Variants in NOX4 observed in about 807,000 individuals in gnomAD.
NOX4 encodes kidney oxidase-1.
Under a neutral mutation model 87.6 loss-of-function variants are expected in NOX4, and 69 were observed. The observed-to-expected ratio is 0.79, with a 90% CI of 0.65 to 0.96. The LOEUF (loss-of-function observed/expected upper bound fraction) is 0.96. Ranked by LOEUF, NOX4 falls within the 40% of genes least tolerant of loss-of-function variation. NOX4 has a pLI of 0.00. For missense variants in NOX4, 680 were observed against 681.5 expected (o/e 1.00, Z 0.02); for synonymous variants, 275 against 238.2 (o/e 1.15, Z -1.42).
At chr11:89,329,172 TG>T (rs1945346407) in intron 17 of NOX4, among the ~76,000 whole-genome samples, 1 of 150,994 alleles carries the variant, frequency 6.6e-6, no homozygotes, top group Admixed American at 6.6e-5. Context: ...AGCATAATCA[TG>T]ATGAGATGAT....
the NOX4 span, among the ~76,000 whole-genome samples, chr11:89,561,562 G>C: frequency 6.6e-6 from 1 of 152,138 alleles, no homozygotes; most frequent in Non-Finnish European, 1.5e-5. Context: ...GTTATATTCA[G>C]CAAGTTGTTG....
rs565864845 is a variant in NOX4, at chr11:89,337,650, T to C, written c.1447-135A>G. ...TAGTCAATATCTATAAGAAAATGAA[T>C]ACACACACACATACATACACAGAAA... On this transcript the variant is annotated intron_variant, in intron 15 of 17. Coordinates refer to ENST00000263317, the MANE Select transcript of NOX4 (RefSeq NM_016931.5). 35 of 1,199,838 alleles carry C rather than the reference T, an allele frequency of 2.9e-5. No individual in the cohort carries two copies. In the East Asian group the frequency reaches 8.4e-4, roughly 29 times the overall value. 74.3% of individuals were successfully genotyped at this position (1,199,838 alleles called of 1,614,324 possible).
chr11:89,401,184 T>G (rs1941829730), intron 9 of NOX4, among the ~76,000 whole-genome samples: 1 of 152,106 alleles, frequency 6.6e-6, no homozygotes. Context: ...CCTTCTTTCA[T>G]GCAGACAGAC....
At chr11:89,393,852 T>A (rs189179250) in intron 11 of NOX4, among the ~76,000 whole-genome samples, 2 of 152,248 alleles carry the variant, frequency 1.3e-5, no homozygotes, top group Admixed American at 1.3e-4. Context: ...AGTTCTAAAA[T>A]CCTTGCCCTT....
upstream of NOX4, among the ~76,000 whole-genome samples, chr11:89,493,939 G>C (rs893990382): frequency 2.6e-5 from 4 of 151,994 alleles, no homozygotes; most frequent in African/African-American, 9.7e-5. Flanking sequence ...ATTTTTAGTA[G>C]AGACGGGGTT....
At chr11:89,439,607 C>G (rs761194075) in intron 6 of NOX4, among the ~76,000 whole-genome samples, 1 of 152,040 alleles carries the variant, frequency 6.6e-6, no homozygotes, top group Non-Finnish European at 1.5e-5. Flanking sequence ...GTATTACACC[C>G]AACAATTTAT....
chr11:89,354,950 C>T lies in NOX4; in HGVS notation c.1217+12G>A, dbSNP rs767627739. 4 of 1,555,912 alleles carry T rather than the reference C, an allele frequency of 2.6e-6. No individual in the cohort carries two copies. The Admixed American group carries it at 5.1e-5, about 20-fold the overall frequency. ...TTGCCTCATCAAAACCCAGTGAACT[C>T]CTTTTGCTTACTTGGGATAATTTCT... On this transcript the variant is annotated intron_variant, in intron 13 of 17. Coordinates refer to ENST00000263317, the MANE Select transcript of NOX4 (RefSeq NM_016931.5).
At chr11:89,523,304 G>A in the NOX4 span, among the ~76,000 whole-genome samples, 1 of 152,184 alleles carries the variant, frequency 6.6e-6, no homozygotes, top group Non-Finnish European at 1.5e-5. Context: ...TTACAGGCGT[G>A]AGCTATGGTG....
the NOX4 span, among the ~76,000 whole-genome samples, chr11:89,584,033 T>C: frequency 6.6e-6 from 1 of 152,186 alleles, no homozygotes; most frequent in Non-Finnish European, 1.5e-5. Flanking sequence ...CTTACTTTCC[T>C]TCTGTTACTA....
At chr11:89,457,124 C>T (rs77902488) in intron 2 of NOX4, among the ~76,000 whole-genome samples, 31 of 152,156 alleles carry the variant, frequency 2.0e-4, no homozygotes, top group Non-Finnish European at 3.8e-4. Context: ...CACTAGCCAA[C>T]CTGCAGCCTT....
At chr11:89,341,449 T>C (rs1945998084) in intron 14 of NOX4, among the ~76,000 whole-genome samples, 1 of 152,132 alleles carries the variant, frequency 6.6e-6, no homozygotes, top group Non-Finnish European at 1.5e-5. Context: ...AGTTACTTTC[T>C]TTAGTCTGTT....
the NOX4 span, among the ~76,000 whole-genome samples, chr11:89,508,139 G>C: frequency 1.3e-5 from 2 of 152,022 alleles, no homozygotes; most frequent in African/African-American, 2.4e-5. Flanking sequence ...AACCCTCCAA[G>C]ATACTGTTAG....
intron 7 of NOX4, among the ~76,000 whole-genome samples, chr11:89,422,969 T>A (rs1431831423): frequency 2.0e-5 from 3 of 152,022 alleles, no homozygotes; most frequent in African/African-American, 7.2e-5. Flanking sequence ...CCAGCTAATA[T>A]TTGCATTCTT....
chr11:89,328,970 C>T (rs1237828854), intron 17 of NOX4, among the ~76,000 whole-genome samples: 1 of 151,938 alleles, frequency 6.6e-6, no homozygotes, highest in Non-Finnish European at 1.5e-5. Context: ...CCTTAAACTT[C>T]CAGCCCCCAG....
chr11:89,541,139 AAT>A, the NOX4 span, among the ~76,000 whole-genome samples: 2 of 152,160 alleles, frequency 1.3e-5, no homozygotes, highest in South Asian at 4.1e-4. Flanking sequence ...TTTGAAAACT[AAT>A]AGTTTATTCT....
At chr11:89,367,277 C>G (rs1939079970) in intron 12 of NOX4, among the ~76,000 whole-genome samples, 1 of 152,122 alleles carries the variant, frequency 6.6e-6, no homozygotes, top group Admixed American at 6.6e-5. Flanking sequence ...TGCCATTCAT[C>G]TTCTGCTGCT....
intron 11 of NOX4, among the ~76,000 whole-genome samples, chr11:89,382,233 A>G (rs1237202113): frequency 6.6e-6 from 1 of 151,254 alleles, no homozygotes; most frequent in East Asian, 2.0e-4. Flanking sequence ...GCAACCTTCC[A>G]CCCTTCATTC....
At chr11:89,550,396 G>T in the NOX4 span, among the ~76,000 whole-genome samples, 2 of 152,050 alleles carry the variant, frequency 1.3e-5, no homozygotes, top group African/African-American at 2.4e-5. Context: ...ATGTTGGCCA[G>T]GTTGGTCTTG....
intron 2 of NOX4, among the ~76,000 whole-genome samples, chr11:89,461,157 G>A (rs1007558705): frequency 3.3e-5 from 5 of 152,134 alleles, no homozygotes; most frequent in African/African-American, 9.6e-5. Flanking sequence ...GGGGCCTGTT[G>A]TGGGGTGGGG....
Sources: gnomAD v4.1 joint callset for allele counts (sites outside exome capture counted in the v4.1 genomes callset) on GRCh38, gnomAD v4.1.1 for gene constraint, MANE v1.5 for transcripts, NCBI Gene and HGNC (gene_info 2026-07-23, HGNC 2026-07-21) for gene names.